Variants in MICAL2 observed in about 807,000 individuals in gnomAD.
MICAL2 encodes the protein microtubule associated monooxygenase, calponin and LIM domain containing 2, also known as [F-actin]-monooxygenase MICAL2.
In MICAL2, 77 loss-of-function variants were observed where a neutral mutation model predicts 127.3. That is an observed-to-expected ratio of 0.60 (90% CI 0.50 to 0.73). The LOEUF is 0.73. Among genes scored for constraint, MICAL2 ranks in the 30% least tolerant of loss-of-function variants. The pLI is 0.00. For missense variants in MICAL2, 1,351 were observed against 1,434.4 expected (o/e 0.94, Z 0.94); for synonymous variants, 570 against 551.1 (o/e 1.03, Z -0.48).
chr11:12,112,297 C>T (rs1281483008), intron 1 of MICAL2, among the ~76,000 whole-genome samples: 4 of 152,198 alleles, frequency 2.6e-5, no homozygotes, highest in Non-Finnish European at 5.9e-5. Flanking sequence ...TTTGGCAAAA[C>T]AGTTGAAGTG....
intron 6 of MICAL2, among the ~76,000 whole-genome samples, chr11:12,210,926 C>T (rs1308796341): frequency 6.6e-6 from 1 of 152,246 alleles, no homozygotes; most frequent in Non-Finnish European, 1.5e-5. Context: ...GCAGCACCCC[C>T]AGGTGCGACA....
intron 3 of MICAL2, among the ~76,000 whole-genome samples, chr11:12,195,115 GGTGTGGTGGTGT>G (rs1429310917): frequency 6.6e-6 from 1 of 152,248 alleles, no homozygotes; most frequent in African/African-American, 2.4e-5. Flanking sequence ...TAATTAGCCA[GGTGTGGTGGTGT>G]GTATCTATAG....
At chr11:12,148,115 T>C (rs893061201) in intron 2 of MICAL2, among the ~76,000 whole-genome samples, 1 of 152,130 alleles carries the variant, frequency 6.6e-6, no homozygotes, top group East Asian at 1.9e-4. Context: ...ATCTTCCAAC[T>C]CTGCATCCAC....
At chr11:12,143,541 T>C (rs1302643058) in intron 2 of MICAL2, among the ~76,000 whole-genome samples, 1 of 152,226 alleles carries the variant, frequency 6.6e-6, no homozygotes, top group East Asian at 1.9e-4. Flanking sequence ...TTGTGTCCGT[T>C]TTCTGCATTT....
At chr11:12,136,901 C>T (rs931118389) in intron 1 of MICAL2, among the ~76,000 whole-genome samples, 1 of 152,146 alleles carries the variant, frequency 6.6e-6, no homozygotes, top group African/African-American at 2.4e-5. Flanking sequence ...CCGTAATGCC[C>T]TAGGGTGGGT....
intron 14 of MICAL2, 40 bp from the exon 15 acceptor site, chr11:12,226,985 G>A (rs369087786): frequency 2.3e-5 from 34 of 1,504,434 alleles, no homozygotes; most frequent in Non-Finnish European, 2.9e-5. Context: ...ACTTCCCAGA[G>A]CCAGGTTCCA....
intron 8 of MICAL2, among the ~76,000 whole-genome samples, chr11:12,217,075 A>G (rs925399367): frequency 4.6e-5 from 7 of 152,152 alleles, no homozygotes; most frequent in Non-Finnish European, 1.0e-4. Flanking sequence ...AGGAAGAAAC[A>G]TGGAGTAGTG....
At chr11:12,115,954 G>C (rs1486226002) in intron 1 of MICAL2, among the ~76,000 whole-genome samples, 2 of 150,010 alleles carry the variant, frequency 1.3e-5, no homozygotes, top group Non-Finnish European at 3.0e-5. Context: ...CTGAAAGTTA[G>C]AAAATACTAC....
intron 29 of MICAL2, among the ~76,000 whole-genome samples, chr11:12,317,604 C>A (rs1481155841): frequency 6.6e-6 from 1 of 152,082 alleles, no homozygotes. Context: ...CCAGCCTGGC[C>A]AACATGGCGA....
At chr11:12,145,430 A>G (rs1273411574) in intron 2 of MICAL2, among the ~76,000 whole-genome samples, 1 of 152,174 alleles carries the variant, frequency 6.6e-6, no homozygotes, top group Non-Finnish European at 1.5e-5. Flanking sequence ...ACAAACAAAC[A>G]TCAATAGCGA....
chr11:12,258,362 C>A, intron 24 of MICAL2, 106 bp from the exon 25 acceptor site: 1 of 853,446 alleles, frequency 1.2e-6, no homozygotes, highest in South Asian at 1.4e-5. Context: ...CTATTTCCAT[C>A]GTTACTATTT....
At chr11:12,121,694 A>C (rs1368704665) in intron 1 of MICAL2, 2 of 152,240 alleles carry the variant, frequency 1.3e-5, no homozygotes, top group African/African-American at 2.4e-5. Context: ...TCGTGGCCAC[A>C]GGGAGGTGGA....
At chr11:12,313,767 A>T (rs1864200799) in intron 29 of MICAL2, among the ~76,000 whole-genome samples, 1 of 152,024 alleles carries the variant, frequency 6.6e-6, no homozygotes, top group African/African-American at 2.4e-5. Context: ...TTTGTTTAAA[A>T]TGTCTAACAA....
chr11:12,335,860 T>G (rs944945588), intron 32 of MICAL2, among the ~76,000 whole-genome samples: 5 of 152,228 alleles, frequency 3.3e-5, no homozygotes, highest in African/African-American at 9.6e-5. Flanking sequence ...ACTGTAGCCT[T>G]GTAGTATAGT....
At chr11:12,202,147 T>C (rs1854102108) in intron 3 of MICAL2, among the ~76,000 whole-genome samples, 1 of 152,078 alleles carries the variant, frequency 6.6e-6, no homozygotes, top group Non-Finnish European at 1.5e-5. Flanking sequence ...CTTTTACCAT[T>C]TGGCTGCAGA....
At chr11:12,261,353 A>G (rs542498019) in intron 26 of MICAL2, 2 of 985,512 alleles carry the variant, frequency 2.0e-6, no homozygotes, top group South Asian at 9.4e-5. Context: ...AGTGGAAGCT[A>G]TTTATGGACT....
chr11:12,331,211 T>G (rs901127471), intron 32 of MICAL2, among the ~76,000 whole-genome samples: 1 of 152,110 alleles, frequency 6.6e-6, no homozygotes, highest in Admixed American at 6.5e-5. Flanking sequence ...CCATTCAAAT[T>G]TAAATGGTCT....
intron 32 of MICAL2, among the ~76,000 whole-genome samples, chr11:12,330,900 A>AGTGTGTGTGT (rs200754218): frequency 4.4e-4 from 53 of 119,434 alleles, no homozygotes; most frequent in Admixed American, 2.0e-3. Context: ...AGAGAGAGAG[A>AGTGTGTGTGT]GTGTGTGTGT....
chr11:12,161,537 CG>C (rs1279261931), intron 2 of MICAL2: 2 of 152,882 alleles, frequency 1.3e-5, no homozygotes, highest in Non-Finnish European at 2.9e-5. Flanking sequence ...TCTCTGGTAA[CG>C]AATGAAGAAA....
Sources: allele counts gnomAD v4.1 joint callset (sites outside exome capture counted in the v4.1 genomes callset), GRCh38; gene constraint gnomAD v4.1.1; transcripts MANE v1.5; gene names NCBI Gene and HGNC (gene_info 2026-07-23, HGNC 2026-07-21).